Variants in CHST11 observed in about 807,000 individuals in gnomAD.
CHST11 encodes the protein carbohydrate sulfotransferase 11, also known as C4S-1.
A neutral mutation model predicts 30.4 loss-of-function variants in CHST11; 9 were observed. The ratio of observed to expected loss-of-function variants is 0.30; its 90% CI spans 0.18 to 0.52. CHST11 has a LOEUF of 0.52. CHST11 is among the 20% of genes least tolerant of loss of function. The pLI is 0.97. For missense variants in CHST11, 348 were observed against 460.6 expected (o/e 0.76, Z 2.24); for synonymous variants, 152 against 187.8 (o/e 0.81, Z 1.56).
chr12:104,470,517 G>T (rs181673815), intron 1 of CHST11, among the ~76,000 whole-genome samples: 253 of 152,216 alleles, frequency 1.7e-3, no homozygotes, highest in Admixed American at 3.5e-3. Flanking sequence ...GCAATTCAAG[G>T]TGAGATTTGG....
At chr12:104,650,380 G>A (rs1056018778) in intron 2 of CHST11, among the ~76,000 whole-genome samples, 1 of 152,156 alleles carries the variant, frequency 6.6e-6, no homozygotes. Context: ...GGATTTGTTT[G>A]TGTTTTTCTA....
At chr12:104,628,717 G>T (rs766380669) in intron 2 of CHST11, among the ~76,000 whole-genome samples, 2 of 152,050 alleles carry the variant, frequency 1.3e-5, no homozygotes, top group Non-Finnish European at 2.9e-5. Flanking sequence ...TCCTGCCACC[G>T]GGCCTTTGCA....
At chr12:104,485,223 C>T (rs182427373) in intron 1 of CHST11, among the ~76,000 whole-genome samples, 79 of 152,258 alleles carry the variant, frequency 5.2e-4, no homozygotes, top group African/African-American at 1.8e-3. Flanking sequence ...CATCCTGAGG[C>T]GATTCTGCTG....
At position 104,586,946 on chromosome 12, in the gene CHST11, G is replaced by A. The variant is rs146269553; in HGVS notation, c.119-14960G>A. On this transcript the variant is annotated intron_variant, in intron 1 of 2. Coordinates refer to ENST00000303694, the MANE Select transcript of CHST11 (RefSeq NM_018413.6). ...CCTTGAACTGCGTTTTTTCCACAGCGTCTTAAGTTTCTCAGCAATAAAGTT... is the reference window on the plus strand; with the variant it reads ...CCTTGAACTGCGTTTTTTCCACAGCATCTTAAGTTTCTCAGCAATAAAGTT... 7.9e-5 allele frequency among the ~76,000 whole-genome samples: 12 copies of A among 152,248 alleles called. No individual in the cohort carries two copies. In the East Asian group the frequency reaches 9.6e-4, roughly 12 times the overall value.
chr12:104,476,192 AAAC>A (rs2037559982), intron 1 of CHST11, among the ~76,000 whole-genome samples: 1 of 147,232 alleles, frequency 6.8e-6, no homozygotes, highest in Non-Finnish European at 1.5e-5. Context: ...AAATTATAAT[AAAC>A]ACATGCAAAA....
At chr12:104,710,452 G>A (rs1271486842) in intron 2 of CHST11, among the ~76,000 whole-genome samples, 4 of 152,192 alleles carry the variant, frequency 2.6e-5, no homozygotes, top group East Asian at 3.9e-4. Context: ...TCCCGCTTGC[G>A]GTTCCCAACT....
At chr12:104,670,462 T>C (rs1465263246) in intron 2 of CHST11, among the ~76,000 whole-genome samples, 1 of 98,468 alleles carries the variant, frequency 1.0e-5, no homozygotes, top group Non-Finnish European at 2.0e-5. Flanking sequence ...CAAGTGCATA[T>C]GTTCAGACCC....
At chr12:104,693,246 G>A (rs1212117978) in intron 2 of CHST11, among the ~76,000 whole-genome samples, 2 of 152,126 alleles carry the variant, frequency 1.3e-5, no homozygotes, top group African/African-American at 4.8e-5. Flanking sequence ...AAGTGCTGGG[G>A]GCTAAGACTT....
intron 2 of CHST11, among the ~76,000 whole-genome samples, chr12:104,720,765 T>A: frequency 6.6e-6 from 1 of 151,760 alleles, no homozygotes; most frequent in African/African-American, 2.4e-5. Flanking sequence ...TGAGTAGAAA[T>A]CTAATTTGAA....
chr12:104,754,147 G>A (rs2136147675), intron 2 of CHST11, among the ~76,000 whole-genome samples: 1 of 152,312 alleles, frequency 6.6e-6, no homozygotes, highest in South Asian at 2.1e-4. Flanking sequence ...GGCCAAGCTG[G>A]TTTTACCAAG....
intron 2 of CHST11, among the ~76,000 whole-genome samples, chr12:104,749,911 C>G (rs1344371997): frequency 6.6e-6 from 1 of 152,176 alleles, no homozygotes; most frequent in African/African-American, 2.4e-5. Context: ...ACAGATAGAA[C>G]CCCCAGGAGT....
chr12:104,486,857 G>A (rs2037684067), intron 1 of CHST11, among the ~76,000 whole-genome samples: 1 of 152,136 alleles, frequency 6.6e-6, no homozygotes, highest in Non-Finnish European at 1.5e-5. Context: ...TGTTTAAAAC[G>A]AAGGGGGGCA....
intron 1 of CHST11, among the ~76,000 whole-genome samples, chr12:104,554,351 AG>A (rs1211618119): frequency 6.6e-6 from 1 of 152,120 alleles, no homozygotes; most frequent in East Asian, 1.9e-4. Flanking sequence ...GCCAAGAGAC[AG>A]GGGGCACCAT....
intron 2 of CHST11, among the ~76,000 whole-genome samples, chr12:104,621,945 T>A (rs1281254150): frequency 6.6e-6 from 1 of 152,226 alleles, no homozygotes; most frequent in East Asian, 1.9e-4. Context: ...GTGGTGAGTC[T>A]GGAAAATGGG....
intron 2 of CHST11, among the ~76,000 whole-genome samples, chr12:104,745,813 G>T (rs1035935978): frequency 6.6e-6 from 1 of 152,142 alleles, no homozygotes; most frequent in East Asian, 1.9e-4. Flanking sequence ...TGCTGAAGTT[G>T]TTTATCAGCT....
intron 2 of CHST11, among the ~76,000 whole-genome samples, chr12:104,690,874 CAG>C (rs1346653905): frequency 6.6e-6 from 1 of 152,162 alleles, no homozygotes; most frequent in African/African-American, 2.4e-5. Flanking sequence ...AGAATAAAAA[CAG>C]AGTGATCGGG....
intron 1 of CHST11, among the ~76,000 whole-genome samples, chr12:104,537,758 C>T (rs2038251206): frequency 7.1e-6 from 1 of 139,866 alleles, no homozygotes; most frequent in Non-Finnish European, 1.5e-5. Context: ...TGCAGTGATG[C>T]CATCATGGCT....
At chr12:104,523,495 A>T (rs897069699) in intron 1 of CHST11, among the ~76,000 whole-genome samples, 7 of 152,278 alleles carry the variant, frequency 4.6e-5, no homozygotes, top group Admixed American at 4.6e-4. Flanking sequence ...TCAGAGAAAG[A>T]TGAAAAAAAC....
intron 2 of CHST11, among the ~76,000 whole-genome samples, chr12:104,687,968 G>T (rs1208777163): frequency 6.6e-6 from 1 of 152,176 alleles, no homozygotes; most frequent in Non-Finnish European, 1.5e-5. Flanking sequence ...CTCTCAGCCA[G>T]TGTGTGGTTC....
Sources: gnomAD v4.1 joint callset for allele counts (sites outside exome capture counted in the v4.1 genomes callset) on GRCh38, gnomAD v4.1.1 for gene constraint, MANE v1.5 for transcripts, NCBI Gene and HGNC (gene_info 2026-07-23, HGNC 2026-07-21) for gene names.